The following PDSS2 variants were observed in gnomAD, a reference collection of about 807,000 sequenced individuals.
The protein encoded by PDSS2 is decaprenyl diphosphate synthase subunit 2.
In PDSS2, 31 loss-of-function variants were observed where a neutral mutation model predicts 44.5. That is an observed-to-expected ratio of 0.70 (90% confidence interval 0.52 to 0.94). The LOEUF is 0.94. Ranked by LOEUF, PDSS2 falls within the 40% of genes least tolerant of loss-of-function variation. The probability of loss-of-function intolerance (pLI) is 0.00; values close to 1 mark genes in which losing one functional copy is unlikely to be tolerated. For missense variants in PDSS2, 452 were observed against 482.2 expected (o/e 0.94, Z 0.59); for synonymous variants, 157 against 180.3 (o/e 0.87, Z 1.03).
At position 107,153,747 on chromosome 6, in the gene PDSS2, T is replaced by C. The variant is rs1770785541; in HGVS notation, c.*872A>G. ...CTCCAAAAAGACATTATAAAAACCA[T>C]AAAGCACAAAGTATATTCATACTGC... On this transcript the variant is annotated 3_prime_UTR_variant, in exon 8 of 8. Coordinates refer to ENST00000369037, the MANE Select transcript of PDSS2 (RefSeq NM_020381.4). 6.6e-6 allele frequency: 1 copy of C among 152,628 alleles called. No homozygotes were observed. The highest frequency in any genetic ancestry group is 2.1e-4 in the South Asian group (1 of 4,836). The allele number at this position is 152,628 out of a possible 1,614,324, so 9.5% of individuals were successfully genotyped here. A position where few individuals can be genotyped will look rare whatever the true frequency, so the allele number is the denominator to read the frequency against.
At chr6:107,291,071 G>A (rs1776329678) in intron 2 of PDSS2, among the ~76,000 whole-genome samples, 1 of 151,326 alleles carries the variant, frequency 6.6e-6, no homozygotes, top group African/African-American at 2.4e-5. Context: ...TTGTAAACCT[G>A]TGCCGGGTAA....
chr6:107,384,055 T>C (rs1037608024), intron 1 of PDSS2, among the ~76,000 whole-genome samples: 1 of 152,234 alleles, frequency 6.6e-6, no homozygotes, highest in African/African-American at 2.4e-5. Context: ...AAATGTGGTA[T>C]ATATTCATAC....
intron 6 of PDSS2, among the ~76,000 whole-genome samples, chr6:107,194,421 T>C (rs909610328): frequency 1.3e-5 from 2 of 152,226 alleles, no homozygotes; most frequent in South Asian, 2.1e-4. Flanking sequence ...CTTCTTTTCA[T>C]AAAAACCATT....
intron 1 of PDSS2, among the ~76,000 whole-genome samples, chr6:107,458,427 A>AAAAAAAAAAAAAAAAC (rs1782126177): frequency 7.1e-6 from 1 of 141,418 alleles, no homozygotes; most frequent in Non-Finnish European, 1.6e-5. Flanking sequence ...AAAAAAAAAA[A>AAAAAAAAAAAAAAAAC]AAAAACTTTT....
At chr6:107,185,251 G>A (rs1347003589) in intron 7 of PDSS2, among the ~76,000 whole-genome samples, 5 of 151,848 alleles carry the variant, frequency 3.3e-5, no homozygotes, top group African/African-American at 9.7e-5. Context: ...GTATCAAAAT[G>A]AGCGCGAATG....
chr6:107,253,522 C>T (rs560724667), intron 3 of PDSS2, among the ~76,000 whole-genome samples: 4 of 152,152 alleles, frequency 2.6e-5, no homozygotes, highest in African/African-American at 4.8e-5. Flanking sequence ...AAGGTTAATA[C>T]GTAAGTTGCA....
chr6:107,392,278 T>C (rs977514978), intron 1 of PDSS2, among the ~76,000 whole-genome samples: 14 of 152,226 alleles, frequency 9.2e-5, no homozygotes, highest in Non-Finnish European at 2.1e-4. Context: ...GCAGCAGCTC[T>C]GTCAGTATAC....
intron 1 of PDSS2, among the ~76,000 whole-genome samples, chr6:107,411,884 T>C (rs931337123): frequency 0.061 from 3,744 of 61,166 alleles, 103 homozygotes; most frequent in African/African-American, 0.13. Flanking sequence ...TTCTTCTTTT[T>C]TTTTTTTTTT....
intron 1 of PDSS2, among the ~76,000 whole-genome samples, chr6:107,447,277 A>T (rs1256072836): frequency 6.6e-6 from 1 of 152,202 alleles, no homozygotes; most frequent in African/African-American, 2.4e-5. Flanking sequence ...CAGAGCTTGC[A>T]GTGAGCCGAG....
At chr6:107,436,439 G>C (rs1395056943) in intron 1 of PDSS2, among the ~76,000 whole-genome samples, 1 of 152,116 alleles carries the variant, frequency 6.6e-6, no homozygotes, top group Non-Finnish European at 1.5e-5. Flanking sequence ...ACACAGACCA[G>C]TTAGAATTCT....
In PDSS2 at chr6:107,261,585, T is replaced by TTC. The variant is rs1582862786; in HGVS notation, c.630+12443_630+12444insGA. Among the ~76,000 whole-genome samples the TTC allele has an allele frequency of 4.0e-5, 6 of 149,782 alleles. No homozygotes were observed. The East Asian group carries it at 7.8e-4, about 19-fold the overall frequency. ...CAGGTATTTCTTTTCTTTCTTTTTT[T>TTC]TTTTTTTTTTTGAGATGGAGTTTCA... On this transcript the variant is annotated intron_variant, in intron 3 of 7. Transcript: ENST00000369037.
intron 4 of PDSS2, among the ~76,000 whole-genome samples, chr6:107,214,584 A>G (rs1773350748): frequency 6.6e-6 from 1 of 152,218 alleles, no homozygotes; most frequent in African/African-American, 2.4e-5. Context: ...CCTACCCAGA[A>G]GGATTAATTA....
intron 1 of PDSS2, among the ~76,000 whole-genome samples, chr6:107,372,254 T>C (rs1779147986): frequency 6.6e-6 from 1 of 152,024 alleles, no homozygotes; most frequent in African/African-American, 2.4e-5. Context: ...TGGTTTTTGG[T>C]TTCTCTCTCA....
intron 1 of PDSS2, among the ~76,000 whole-genome samples, chr6:107,364,513 C>T (rs1778900698): frequency 1.3e-5 from 2 of 152,370 alleles, no homozygotes; most frequent in Admixed American, 1.3e-4. Flanking sequence ...TGCCCGGGGC[C>T]AGCAGGGCTG....
intron 4 of PDSS2, among the ~76,000 whole-genome samples, chr6:107,240,571 T>G (rs576187625): frequency 1.3e-5 from 2 of 152,144 alleles, no homozygotes; most frequent in Admixed American, 1.3e-4. Context: ...GCTTTTTTTG[T>G]ATTTTTAGTA....
In PDSS2 at chr6:107,286,130, G is replaced by A. The variant is rs1435125085; in HGVS notation, c.432-11903C>T. Among the ~76,000 whole-genome samples the A allele has an allele frequency of 6.7e-4, 9 of 13,390 alleles. No individual in the cohort carries two copies. The East Asian group carries it at 0.017, about 25-fold the overall frequency. The allele number at this position is 13,390 out of a possible 152,430, so 8.8% of individuals were successfully genotyped here. A position where few individuals can be genotyped will look rare whatever the true frequency, so the allele number is the denominator to read the frequency against. ...CCTAGTCAAGGAGCAAAACTTCGTC[G>A]CAAAATAAAAAAAAAAAAAAGGAAA... On this transcript the variant is annotated intron_variant, in intron 2 of 7. Coordinates refer to ENST00000369037, the MANE Select transcript of PDSS2 (RefSeq NM_020381.4).
chr6:107,224,771 G>T (rs1482060032), intron 4 of PDSS2, among the ~76,000 whole-genome samples: 1 of 151,200 alleles, frequency 6.6e-6, no homozygotes, highest in African/African-American at 2.5e-5. Context: ...ACTAGAACAT[G>T]TAAGTATTTC....
intron 1 of PDSS2, among the ~76,000 whole-genome samples, chr6:107,408,516 C>T (rs1780392542): frequency 6.6e-6 from 1 of 152,138 alleles, no homozygotes; most frequent in Admixed American, 6.5e-5. Flanking sequence ...GCCTCCCTTC[C>T]TCTTAACCTG....
chr6:107,175,214 G>GAAAAA (rs35268855), intron 7 of PDSS2, among the ~76,000 whole-genome samples: 1 of 140,484 alleles, frequency 7.1e-6, no homozygotes, highest in Non-Finnish European at 1.5e-5. Context: ...TCCATCTCAG[G>GAAAAA]AAAAAAAAAA....
Sources: gnomAD v4.1 joint callset for allele counts (sites outside exome capture counted in the v4.1 genomes callset) on GRCh38, gnomAD v4.1.1 for gene constraint, MANE v1.5 for transcripts, NCBI Gene and HGNC (gene_info 2026-07-23, HGNC 2026-07-21) for gene names.